TENM1: variants seen among roughly 807,000 people sequenced by gnomAD.
The protein encoded by TENM1 is teneurin transmembrane protein 1.
TENM1 carries 35 observed loss-of-function variants against 174.8 expected under a neutral mutation model. That is an observed-to-expected ratio of 0.20 (90% CI 0.15 to 0.27). The LOEUF is 0.27. Ranked by LOEUF, TENM1 falls within the 10% of genes least tolerant of loss-of-function variation. The pLI, the probability that TENM1 is intolerant of heterozygous loss-of-function variation, is 1.00. For missense variants in TENM1, 1,633 were observed against 2,130.1 expected, an observed-to-expected ratio of 0.77 and a Z score of 4.59; for synonymous variants, 781 against 798.7, an observed-to-expected ratio of 0.98 and a Z score of 0.37.
chrX:124,748,625 T>A (rs1411897993), intron 3 of TENM1, among the ~76,000 whole-genome samples: 2 of 111,654 alleles, frequency 1.8e-5, no homozygotes, highest in East Asian at 5.6e-4. Context: ...AAGTGTAGAG[T>A]ACTTTCTCTG....
chrX:124,838,123 G>A (rs907583248), intron 3 of TENM1, among the ~76,000 whole-genome samples: 2 of 112,306 alleles, frequency 1.8e-5, no homozygotes, highest in African/African-American at 3.2e-5. Context: ...CTTGGGAAAC[G>A]CATAAGCAAT....
intron 1 of TENM1, among the ~76,000 whole-genome samples, chrX:124,924,031 A>G (rs1411119403): frequency 8.9e-6 from 1 of 112,444 alleles, no homozygotes; most frequent in African/African-American, 3.2e-5. Context: ...AATATTATAA[A>G]ATGTAAATAA....
intron 3 of TENM1, among the ~76,000 whole-genome samples, chrX:124,774,513 T>C (rs1217045368): frequency 8.9e-6 from 1 of 111,897 alleles, no homozygotes; most frequent in Non-Finnish European, 1.9e-5. Context: ...TTTAAAAATC[T>C]GAGAATCTGA....
the TENM1 span, among the ~76,000 whole-genome samples, chrX:125,120,219 G>A: frequency 4.5e-5 from 5 of 111,012 alleles, no homozygotes; most frequent in Admixed American, 1.9e-4. Flanking sequence ...TTTTTTTACC[G>A]TAAACAACTT....
intron 11 of TENM1, among the ~76,000 whole-genome samples, chrX:124,605,621 T>A (rs981299926): frequency 1.8e-5 from 2 of 111,728 alleles, no homozygotes; most frequent in Admixed American, 9.5e-5. Flanking sequence ...CTCTGAGGAC[T>A]AATGTCACTT....
the TENM1 span, among the ~76,000 whole-genome samples, chrX:125,160,710 T>G: frequency 9.1e-6 from 1 of 109,969 alleles, no homozygotes; most frequent in African/African-American, 3.3e-5. Flanking sequence ...CTTATCTATA[T>G]GCTTCAAGAA....
chrX:124,891,569 GA>G (rs1284344223), intron 3 of TENM1, among the ~76,000 whole-genome samples: 1 of 108,541 alleles, frequency 9.2e-6, no homozygotes, highest in Non-Finnish European at 1.9e-5. Context: ...TGAGGCAGGA[GA>G]ATCATTTGAA....
chrX:124,917,485 C>T (rs1686243020), intron 1 of TENM1, among the ~76,000 whole-genome samples: 3 of 111,442 alleles, frequency 2.7e-5, no homozygotes, highest in African/African-American at 3.3e-5. Flanking sequence ...TCCTTAACCC[C>T]ACATAGACTT....
At chrX:125,158,127 A>C in the TENM1 span, among the ~76,000 whole-genome samples, 1 of 110,952 alleles carries the variant, frequency 9.0e-6, no homozygotes, top group African/African-American at 3.3e-5. Context: ...TCACATGGCC[A>C]GGTGTAGTGC....
At chrX:124,963,360 A>G (rs2058683379) in intron 1 of TENM1, among the ~76,000 whole-genome samples, 177 bp downstream of exon 4, 1 of 112,896 alleles carries the variant, frequency 8.9e-6, no homozygotes. Flanking sequence ...TAAAAAGCAC[A>G]TGTAACCTAC....
At chrX:124,565,413 T>G in exon 12 of TENM1, 2 of 1,208,444 alleles carry the variant, frequency 1.7e-6, no homozygotes, top group Non-Finnish European at 2.2e-6. Flanking sequence ...AGGGCTACAC[T>G]CACATTTTCC....
chrX:124,817,149 T>C (rs1356886689), intron 3 of TENM1, among the ~76,000 whole-genome samples: 1 of 111,402 alleles, frequency 9.0e-6, no homozygotes. Flanking sequence ...TTTGGCTTTC[T>C]GTACTTGTGA....
intron 3 of TENM1, among the ~76,000 whole-genome samples, chrX:124,798,366 T>C (rs181334480): frequency 8.9e-6 from 1 of 111,935 alleles, no homozygotes; most frequent in Admixed American, 9.4e-5. Flanking sequence ...GTTTCCTGAC[T>C]TTTTAATGAT....
At chrX:124,424,762 T>C (rs1286921509) in intron 23 of TENM1, among the ~76,000 whole-genome samples, 2 of 110,988 alleles carry the variant, frequency 1.8e-5, no homozygotes, top group Non-Finnish European at 3.8e-5. Flanking sequence ...TGGTACTGTA[T>C]AGTGAGTTCT....
chrX:124,542,148 T>C (rs1259375904), intron 15 of TENM1, among the ~76,000 whole-genome samples: 1 of 112,483 alleles, frequency 8.9e-6, no homozygotes, highest in Non-Finnish European at 1.9e-5. Flanking sequence ...AGATAAGCCA[T>C]GCTAGCCATG....
chrX:124,472,591 C>T (rs1416638117), intron 22 of TENM1, among the ~76,000 whole-genome samples: 1 of 110,688 alleles, frequency 9.0e-6, no homozygotes, highest in Non-Finnish European at 1.9e-5. Flanking sequence ...TAGCCTGTGA[C>T]AGTGTTAAAT....
chrX:124,595,836 G>T (rs1027010909), intron 11 of TENM1, among the ~76,000 whole-genome samples: 1 of 111,615 alleles, frequency 9.0e-6, no homozygotes, highest in African/African-American at 3.2e-5. Flanking sequence ...TCCAAACCCT[G>T]TAACTGTCAC....
chrX:124,818,809 A>C (rs758717645), intron 3 of TENM1, among the ~76,000 whole-genome samples: 14 of 111,692 alleles, frequency 1.3e-4, no homozygotes, highest in African/African-American at 4.5e-4. Flanking sequence ...TTTTGGAGAG[A>C]GTCACCCTCA....
chrX:124,573,700 T>C (rs1289779716), intron 11 of TENM1, among the ~76,000 whole-genome samples: 1 of 112,078 alleles, frequency 8.9e-6, no homozygotes, highest in Non-Finnish European at 1.9e-5. Context: ...GGGAATCCTC[T>C]ACAAAATGAA....
Sources: gnomAD v4.1 joint callset for allele counts (sites outside exome capture counted in the v4.1 genomes callset) on GRCh38, gnomAD v4.1.1 for gene constraint, MANE v1.5 for transcripts, NCBI Gene and HGNC (gene_info 2026-07-23, HGNC 2026-07-21) for gene names.